The following MGST1 variants were observed in gnomAD, a reference collection of about 807,000 sequenced individuals.
MGST1 encodes the protein glutathione S-transferase 12.
Under a neutral mutation model 8.9 loss-of-function variants are expected in MGST1, and 5 were observed. The observed-to-expected ratio is 0.56, with a 90% CI of 0.29 to 1.19. MGST1 has a LOEUF of 1.19. Ranked by LOEUF, MGST1 falls within the 50% of genes most tolerant of loss-of-function variation. The probability of loss-of-function intolerance (pLI) is 0.08; values close to 1 mark genes in which losing one functional copy is unlikely to be tolerated. For synonymous variants in MGST1, 54 were observed against 67.8 expected, an observed-to-expected ratio of 0.80 and a Z score of 1.00; for missense variants, 182 against 187.4, an observed-to-expected ratio of 0.97 and a Z score of 0.17.
At position 16,363,770 on chromosome 12, in the gene MGST1, C is replaced by G. The variant is rs752400651; in HGVS notation, c.222-25C>G. 16 of 1,564,398 alleles carry G rather than the reference C, an allele frequency of 1.0e-5. No individual in the cohort carries two copies. The highest frequency in any genetic ancestry group is 1.4e-5 in the African/African-American group (1 of 73,688). On this transcript the variant is annotated intron_variant, in intron 3 of 3. Coordinates refer to ENST00000396210, the MANE Select transcript of MGST1 (RefSeq NM_020300.5). This position sits in a 1 kb window ranked among gnomAD's most constrained non-coding sequence, Gnocchi z 4.6. ...ATATCTAGTATTTTGAAATTAGTGT[C>G]TTTAATAGTTATCTTTTTCCACAGA...
rs1379116499 is a variant in MGST1, at chr12:16,537,137, T to C, written n.483-52391T>C. ...GATACAGGTATTGGGTAAATACAGC[T>C]GTTCCAAATGGGGGAAATTGGCCAA... On this transcript the variant is annotated intron_variant and non_coding_transcript_variant, in intron 4 of 4. Transcript: ENST00000538857. This position sits in a 1 kb window ranked among gnomAD's most constrained non-coding sequence, Gnocchi z 4.6. Among the ~76,000 whole-genome samples the C allele has an allele frequency of 6.6e-6, 1 of 152,150 alleles. No homozygotes were observed. The highest frequency in any genetic ancestry group is 2.4e-5 in the African/African-American group (1 of 41,436).
chr12:16,484,400 T>TTTTGTTTG, intron 4 of MGST1, among the ~76,000 whole-genome samples: 1 of 152,134 alleles, frequency 6.6e-6, no homozygotes, highest in South Asian at 2.1e-4. Flanking sequence ...AGAATCTGTT[T>TTTTGTTTG]TTTGTTTGTT....
In MGST1 at chr12:16,517,034, C is replaced by A. The variant is rs1941619971; in HGVS notation, n.483-72494C>A. On this transcript the variant is annotated intron_variant and non_coding_transcript_variant, in intron 4 of 4. Transcript: ENST00000538857. The surrounding 1 kb of genome is among the most constrained non-coding windows in gnomAD (Gnocchi z 4.2). ...AGAGGCTGACAGTTTTCAGTGGCTA[C>A]AGTGAGCTGAACCCCCAAGAATATA... is the stretch of plus-strand genomic sequence containing the variant. Among the ~76,000 whole-genome samples the A allele has an allele frequency of 6.6e-6, 1 of 152,054 alleles. No individual in the cohort carries two copies. The highest frequency in any genetic ancestry group is 2.4e-5 in the African/African-American group (1 of 41,400).
At chr12:16,360,987 C>CCT (rs1939965052) in intron 3 of MGST1, among the ~76,000 whole-genome samples, 1 of 151,560 alleles carries the variant, frequency 6.6e-6, no homozygotes, top group African/African-American at 2.4e-5. Flanking sequence ...TGTTCCCCCC[C>CCT]TCCCCGCCCC....
Position 16,480,371 on chromosome 12 carries a change from G to T in MGST1, n.482+96767G>T, listed in dbSNP as rs150584657. Among the ~76,000 whole-genome samples the T allele has an allele frequency of 9.7e-3, 1,472 of 151,932 alleles. 27 individuals are homozygous for T. The highest frequency in any genetic ancestry group is 0.033 in the African/African-American group (1,383 of 41,408). The stretch of plus-strand genomic sequence containing the variant: ...TTGGCCAGGATGGTCTCGATCTCTT[G>T]ACCTTGTGATCTGCCCATCTCAATC... On this transcript the variant is annotated intron_variant and non_coding_transcript_variant, in intron 4 of 4. Transcript: ENST00000538857.
At chr12:16,390,195 AG>A (rs201949255) in intron 1 of MGST1, among the ~76,000 whole-genome samples, 4,509 of 151,660 alleles carry the variant, frequency 0.03, 225 homozygotes, top group African/African-American at 0.1. Flanking sequence ...AGGGCACCTC[AG>A]GGGAAAAAAA....
At chr12:16,522,786 G>T (rs1941656519) in intron 4 of MGST1, among the ~76,000 whole-genome samples, 1 of 152,058 alleles carries the variant, frequency 6.6e-6, no homozygotes, top group African/African-American at 2.4e-5. Context: ...TGTGAGTTTT[G>T]TAAGTGTGCT....
chr12:16,578,210 G>A (rs531961007), intron 4 of MGST1, among the ~76,000 whole-genome samples: 4 of 152,198 alleles, frequency 2.6e-5, no homozygotes, highest in African/African-American at 9.6e-5. Flanking sequence ...TGACAGTACT[G>A]CAATTTTCTC....
chr12:16,444,654 G>A (rs1423959549), intron 4 of MGST1, among the ~76,000 whole-genome samples: 1 of 151,860 alleles, frequency 6.6e-6, no homozygotes, highest in Admixed American at 6.6e-5. Flanking sequence ...TGTTTCACAT[G>A]GCCATAGGCA....
rs930240760 is a variant in MGST1, at chr12:16,585,937, G to A, written n.483-3591G>A. On this transcript the variant is annotated intron_variant and non_coding_transcript_variant, in intron 4 of 4. Coordinates refer to the MGST1 transcript ENST00000538857. This position sits in a 1 kb window ranked among gnomAD's most constrained non-coding sequence, Gnocchi z 4.7. ...ATCTTGCTTATCCTAAGATCTGGGC[G>A]ACATTTCACCAGTGAGGCGGTAGGA... Among the ~76,000 whole-genome samples, 2 of 152,108 alleles carry A rather than the reference G, an allele frequency of 1.3e-5. No homozygotes were observed. The highest frequency in any genetic ancestry group is 6.6e-5 in the Admixed American group (1 of 15,246).
intron 1 of MGST1, among the ~76,000 whole-genome samples, chr12:16,430,697 G>A (rs568122659): frequency 6.6e-6 from 1 of 152,152 alleles, no homozygotes; most frequent in Non-Finnish European, 1.5e-5. Flanking sequence ...CTACCATTCA[G>A]CCTTCATTGT....
chr12:16,471,920 TAC>T (rs10628214), intron 4 of MGST1, among the ~76,000 whole-genome samples: 107 of 148,506 alleles, frequency 7.2e-4, no homozygotes, highest in East Asian at 2.6e-3. Context: ...TACACACACA[TAC>T]ACACACACAC....
At chr12:16,480,745 T>C (rs1224285468) in intron 4 of MGST1, among the ~76,000 whole-genome samples, 1 of 152,076 alleles carries the variant, frequency 6.6e-6, no homozygotes, top group Non-Finnish European at 1.5e-5. Flanking sequence ...CACACATGGT[T>C]TCTCTCACAT....
At chr12:16,451,931 T>C (rs2137113748) in intron 4 of MGST1, among the ~76,000 whole-genome samples, 1 of 151,986 alleles carries the variant, frequency 6.6e-6, no homozygotes, top group South Asian at 2.1e-4. Context: ...GCATTAGCCA[T>C]TTTAGGATAA....
chr12:16,428,626 A>AAAT (rs1347838274), intron 1 of MGST1, among the ~76,000 whole-genome samples: 1 of 151,946 alleles, frequency 6.6e-6, no homozygotes, highest in South Asian at 2.1e-4. Context: ...TACTTTGCTA[A>AAAT]ATATATTTTA....
intron 3 of MGST1, 22 bp downstream of exon 3, chr12:16,357,721 T>G: frequency 2.5e-6 from 4 of 1,580,556 alleles, no homozygotes; most frequent in Non-Finnish European, 3.4e-6. Flanking sequence ...TCTCTTGAAA[T>G]TACTTACTTT....
intron 4 of MGST1, among the ~76,000 whole-genome samples, chr12:16,446,895 A>G (rs1941085021): frequency 6.6e-6 from 1 of 151,476 alleles, no homozygotes; most frequent in East Asian, 2.0e-4. Flanking sequence ...TCCCTTGTAC[A>G]CTCCTGATGG....
At chr12:16,444,089 G>A (rs1941059720) in intron 4 of MGST1, among the ~76,000 whole-genome samples, 1 of 151,584 alleles carries the variant, frequency 6.6e-6, no homozygotes, top group Non-Finnish European at 1.5e-5. Flanking sequence ...TGAGCTCATA[G>A]TCTCAATATC....
chr12:16,514,602 T>C (rs2137182770), intron 4 of MGST1, among the ~76,000 whole-genome samples: 1 of 152,340 alleles, frequency 6.6e-6, no homozygotes, highest in Non-Finnish European at 1.5e-5. Context: ...CAGCTGCTTC[T>C]CTGAGGCAGG....
Sources: gnomAD v4.1 joint callset for allele counts (sites outside exome capture counted in the v4.1 genomes callset) on GRCh38, gnomAD v4.1.1 for gene constraint, Gnocchi (gnomAD v3.1) non-coding constraint, MANE v1.5 for transcripts, NCBI Gene and HGNC (gene_info 2026-07-23, HGNC 2026-07-21) for gene names.